The following CTNNB1 variants were observed in gnomAD, a reference collection of about 807,000 sequenced individuals.
The protein encoded by CTNNB1 is catenin beta-1.
CTNNB1 carries 6 observed loss-of-function variants against 82.5 expected under a neutral mutation model. That is an observed-to-expected ratio of 0.07 (90% CI 0.04 to 0.14). CTNNB1 has a LOEUF of 0.14. CTNNB1 is among the 10% of genes least tolerant of loss of function. The pLI is 1.00. For missense variants in CTNNB1, 529 were observed against 980.4 expected (o/e 0.54, Z 6.15); for synonymous variants, 312 against 329.7 (o/e 0.95, Z 0.58).
chr3:41,225,556 C>T lies in CTNNB1; in HGVS notation c.718C>T (p.Leu240=), dbSNP rs373574509. The change falls in exon 5 of 15, where the codon CTG becomes TTG. Residue 240 remains leucine, a synonymous_variant. Coordinates refer to ENST00000349496, the MANE Select transcript of CTNNB1 (RefSeq NM_001904.4). The surrounding 1 kb of genome is among the most constrained non-coding windows in gnomAD (Gnocchi z 5.3). ...AIFKSGGIPA[L]VKMLGSPVDS... ...CTTTAAGTCTGGAGGCATTCCTGCC[C>T]TGGTGAAAATGCTTGGGTAAGAAAA... 2 of 1,614,142 alleles carry T rather than the reference C, an allele frequency of 1.2e-6. No individual in the cohort carries two copies. Among genetic ancestry groups the T allele is most frequent in the Middle Eastern group, 1.7e-4 (1 of 6,060 alleles).
intron 1 of CTNNB1, among the ~76,000 whole-genome samples, chr3:41,217,369 A>G (rs1482558125): frequency 1.3e-5 from 2 of 152,238 alleles, no homozygotes; most frequent in Non-Finnish European, 2.9e-5. Flanking sequence ...GTAGAATATA[A>G]GCTTCACTGT....
rs2125638205 is a variant in CTNNB1, at chr3:41,233,457, T to G, written c.1185+13T>G. Reference sequence around the variant, plus strand: ...TGCAACTAAACAGGTAAATTCTGAGTAAACTGGTGCCATGGGAATAGAGTC... The same window carrying G: ...TGCAACTAAACAGGTAAATTCTGAGGAAACTGGTGCCATGGGAATAGAGTC... On this transcript the variant is annotated intron_variant, in intron 8 of 14. Coordinates refer to ENST00000349496, the MANE Select transcript of CTNNB1 (RefSeq NM_001904.4). 6.2e-7 allele frequency: 1 copy of G among 1,613,794 alleles called. No individual in the cohort carries two copies. Among genetic ancestry groups the G allele is most frequent in the South Asian group, 1.1e-5 (1 of 91,064 alleles).
intron 13 of CTNNB1, 132 bp downstream of exon 13, chr3:41,236,841 A>G: frequency 8.2e-7 from 1 of 1,214,998 alleles, no homozygotes; most frequent in East Asian, 2.3e-5. Context: ...TTTCTTCTTT[A>G]TGCTGTCTAG....
chr3:41,217,862 G>A (rs2077951108), intron 1 of CTNNB1, among the ~76,000 whole-genome samples: 1 of 151,780 alleles, frequency 6.6e-6, no homozygotes, highest in Non-Finnish European at 1.5e-5. Flanking sequence ...TTTTTGACTT[G>A]TTCCCAGTTT....
intron 7 of CTNNB1, among the ~76,000 whole-genome samples, chr3:41,231,188 G>A (rs1221478117): frequency 2.0e-5 from 3 of 152,150 alleles, no homozygotes; most frequent in Admixed American, 2.0e-4. Context: ...TTAGCCGGGC[G>A]TGGTGGCAGG....
In CTNNB1 at chr3:41,239,275, A is replaced by C; in HGVS notation, c.2279A>C (p.Gln760Pro). 6.2e-7 allele frequency: 1 copy of C among 1,614,208 alleles called. No homozygotes were observed. Among genetic ancestry groups the C allele is most frequent in the Non-Finnish European group, 8.5e-7 (1 of 1,180,034 alleles). The change falls in exon 15 of 15, where the codon CAG becomes CCG. Residue 760 changes from glutamine (Q) to proline (P), a missense_variant. Coordinates refer to ENST00000349496, the MANE Select transcript of CTNNB1 (RefSeq NM_001904.4). ...VDGLPDLGHA[Q>P]DLMDGLPPGD... ...GGGCTGCCAGATCTGGGGCATGCCC[A>C]GGACCTCATGGATGGGCTGCCTCCA...
chr3:41,228,246 A>G (rs796945569), intron 7 of CTNNB1, among the ~76,000 whole-genome samples: 4 of 152,282 alleles, frequency 2.6e-5, no homozygotes, highest in African/African-American at 9.6e-5. Context: ...TAATAATAGG[A>G]TTGCTGGATT....
intron 1 of CTNNB1, chr3:41,200,524 C>T (rs2077504162): frequency 6.6e-6 from 1 of 152,188 alleles, no homozygotes; most frequent in African/African-American, 2.4e-5. Flanking sequence ...GATTCAGCCT[C>T]TGACTCAGAC....
intron 1 of CTNNB1, among the ~76,000 whole-genome samples, chr3:41,213,618 C>T (rs1197462470): frequency 1.3e-5 from 2 of 152,050 alleles, no homozygotes; most frequent in African/African-American, 2.4e-5. Flanking sequence ...TTGCTATGAC[C>T]TGAAACTAAA....
intron 9 of CTNNB1, 103 bp downstream of exon 9, chr3:41,233,970 G>T: frequency 7.1e-7 from 1 of 1,408,318 alleles, no homozygotes; most frequent in South Asian, 1.2e-5. Context: ...AGTAGGAATT[G>T]TATTCCTTAG....
chr3:41,215,213 TA>T (rs10576683), intron 1 of CTNNB1, among the ~76,000 whole-genome samples: 36,510 of 75,872 alleles, frequency 0.48, 8,412 homozygotes, highest in East Asian at 0.69. Flanking sequence ...CTGTCTCCAT[TA>T]AAAAAAAAAA....
intron 1 of CTNNB1, chr3:41,199,963 G>C (rs1371874497): frequency 6.8e-6 from 1 of 147,226 alleles, no homozygotes; most frequent in African/African-American, 2.6e-5. Context: ...CAGGCGGGGT[G>C]GGGGTGGGGG....
At chr3:41,224,373 C>A in intron 2 of CTNNB1, 153 bp from the exon 3 acceptor site, 2 of 834,398 alleles carry the variant, frequency 2.4e-6, no homozygotes, top group Non-Finnish European at 3.9e-6. Flanking sequence ...CATCACTGAG[C>A]TAACCCTGGC....
intron 1 of CTNNB1, among the ~76,000 whole-genome samples, chr3:41,216,858 C>T (rs1482975802): frequency 1.3e-5 from 2 of 151,858 alleles, no homozygotes; most frequent in East Asian, 1.9e-4. Context: ...AGACCTTTTT[C>T]GTTCTCTTTA....
chr3:41,221,260 A>G (rs1424728863), intron 1 of CTNNB1: 1 of 152,132 alleles, frequency 6.6e-6, no homozygotes, highest in Non-Finnish European at 1.5e-5. Context: ...TAGCCTATAT[A>G]GTATAGCCTG....
At position 41,225,968 on chromosome 3, in the gene CTNNB1, G is replaced by A. The variant is rs970184462; in HGVS notation, c.936+107G>A. On this transcript the variant is annotated intron_variant, in intron 6 of 14. Coordinates refer to ENST00000349496, the MANE Select transcript of CTNNB1 (RefSeq NM_001904.4). The surrounding 1 kb of genome is among the most constrained non-coding windows in gnomAD (Gnocchi z 5.3). Reference sequence around the variant, plus strand: ...CTTTTTGGCACCAGGGACCAGTTTCGTGGAAAACAGTTTTTCCATGAATGG... The same window carrying A: ...CTTTTTGGCACCAGGGACCAGTTTCATGGAAAACAGTTTTTCCATGAATGG... 25 of 996,260 alleles carry A rather than the reference G, an allele frequency of 2.5e-5. No individual in the cohort carries two copies. The highest frequency in any genetic ancestry group is 3.6e-5 in the Non-Finnish European group (23 of 646,656). The allele number at this position is 996,260 out of a possible 1,614,324, so 61.7% of individuals were successfully genotyped here.
intron 10 of CTNNB1, chr3:41,234,901 A>C (rs2078399388): frequency 6.3e-6 from 1 of 159,808 alleles, no homozygotes; most frequent in South Asian, 1.8e-4. Flanking sequence ...AGTTTAGAAA[A>C]CAAAGATGGA....
intron 1 of CTNNB1, among the ~76,000 whole-genome samples, chr3:41,205,340 A>G (rs750661775): frequency 2.6e-5 from 4 of 152,200 alleles, no homozygotes; most frequent in African/African-American, 7.2e-5. Context: ...TTTTTGGCCA[A>G]TTTAAGTTTA....
chr3:41,237,750 G>A (rs1402865984), intron 13 of CTNNB1: 2 of 417,476 alleles, frequency 4.8e-6, no homozygotes, highest in East Asian at 4.4e-5. Context: ...GTAGAACAGT[G>A]CCTGGCAGCA....
Sources: allele counts gnomAD v4.1 joint callset (sites outside exome capture counted in the v4.1 genomes callset), GRCh38; gene constraint gnomAD v4.1.1; non-coding constraint Gnocchi (gnomAD v3.1); transcripts MANE v1.5; gene names NCBI Gene and HGNC (gene_info 2026-07-23, HGNC 2026-07-21).